The following NRDC variants were observed in gnomAD, a reference collection of about 807,000 sequenced individuals.
The protein encoded by NRDC is nardilysin convertase, also known as nardilysin.
In NRDC, 54 loss-of-function variants were observed where a neutral mutation model predicts 147.1. That is an observed-to-expected ratio of 0.37 (90% CI 0.29 to 0.46). The LOEUF (loss-of-function observed/expected upper bound fraction) is 0.46, where lower values mean the gene tolerates loss of function less well. NRDC is among the 20% of genes least tolerant of loss of function. NRDC has a pLI of 1.00. For synonymous variants in NRDC, 440 were observed against 482.1 expected (o/e 0.91, Z 1.14); for missense variants, 1,082 against 1,370.6 (o/e 0.79, Z 3.33).
intron 1 of NRDC, among the ~76,000 whole-genome samples, chr1:51,874,374 T>C (rs983006930): frequency 9.9e-5 from 15 of 152,112 alleles, no homozygotes; most frequent in East Asian, 7.8e-4. Flanking sequence ...CCCAGCACTA[T>C]GGGAGGCCAA....
intron 15 of NRDC, 21 bp from the exon 16 acceptor site, chr1:51,810,425 G>A: frequency 6.2e-7 from 1 of 1,603,608 alleles, no homozygotes; most frequent in Non-Finnish European, 8.5e-7. Context: ...GGGAAGAGGG[G>A]AAAGAGATAC....
intron 15 of NRDC, 148 bp downstream of exon 15, chr1:51,811,846 A>C (rs548260207): frequency 1.9e-6 from 1 of 513,674 alleles, no homozygotes; most frequent in East Asian, 3.0e-5. Flanking sequence ...TTATTCACAA[A>C]ACTGTTGATA....
chr1:51,800,516 T>G (rs1466678014), intron 21 of NRDC, 40 bp downstream of exon 21: 1 of 1,609,520 alleles, frequency 6.2e-7, no homozygotes, highest in Admixed American at 1.7e-5. Flanking sequence ...AGTAATACTT[T>G]CAGGTCCTCA....
At chr1:51,811,036 T>C (rs114395474) in intron 15 of NRDC, among the ~76,000 whole-genome samples, 1 of 152,308 alleles carries the variant, frequency 6.6e-6, no homozygotes, top group Non-Finnish European at 1.5e-5. Context: ...CAGAATTTTG[T>C]GGCTTGGTTT....
intron 4 of NRDC, among the ~76,000 whole-genome samples, chr1:51,830,604 G>T (rs574477455): frequency 6.6e-6 from 1 of 152,132 alleles, no homozygotes; most frequent in African/African-American, 2.4e-5. Flanking sequence ...TAACTACTCA[G>T]GACGCCTCAT....
chr1:51,874,536 G>T (rs1290231212), intron 1 of NRDC, among the ~76,000 whole-genome samples: 2 of 152,136 alleles, frequency 1.3e-5, no homozygotes, highest in Admixed American at 1.3e-4. Context: ...CTAAGCCTGG[G>T]AGGTCGAGGC....
At chr1:51,833,326 G>T (rs558266646) in intron 4 of NRDC, among the ~76,000 whole-genome samples, 16 of 151,708 alleles carry the variant, frequency 1.1e-4, no homozygotes, top group African/African-American at 3.9e-4. Flanking sequence ...AGCTGGGAGC[G>T]GTGGCACATT....
chr1:51,789,733 C>T (rs1045324123), intron 29 of NRDC, 76 bp from the exon 30 acceptor site: 24 of 1,006,718 alleles, frequency 2.4e-5, no homozygotes, highest in East Asian at 7.2e-5. Flanking sequence ...AGGCAGATGT[C>T]CCTGGACCTG....
At chr1:51,805,797 TAGAG>T (rs1679435541) in intron 18 of NRDC, among the ~76,000 whole-genome samples, 1 of 152,264 alleles carries the variant, frequency 6.6e-6, no homozygotes, top group South Asian at 2.1e-4. Flanking sequence ...GGCAGATACT[TAGAG>T]AGGCCTATAA....
chr1:51,852,596 A>G (rs1373420890), intron 1 of NRDC, among the ~76,000 whole-genome samples: 1 of 2,788 alleles, frequency 3.6e-4, no homozygotes, highest in Non-Finnish European at 1.3e-3. Flanking sequence ...AGTTTTATAT[A>G]TAGTTTTTTA....
chr1:51,789,693 GAAGA>G lies in NRDC; in HGVS notation c.3169-40_3169-37del, dbSNP rs1557892940. 4.1e-6 allele frequency: 6 copies of G among 1,450,548 alleles called. No individual in the cohort carries two copies. The East Asian group carries it at 9.1e-5, about 22-fold the overall frequency. The allele number at this position is 1,450,548 out of a possible 1,614,324, so 89.9% of individuals were successfully genotyped here. The stretch of plus-strand genomic sequence containing the variant: ...AAGGGAAGATAGGAAAGAAATTCAA[GAAGA>G]AAGATAGCTCTTAAACCTAACCCCC... On this transcript the variant is annotated intron_variant, in intron 29 of 30. Transcript: ENST00000352171.
Position 51,878,307 on chromosome 1 carries a change from G to C in NRDC, c.309C>G (p.Ile103Met). The change falls in exon 1 of 31, where the codon ATC becomes ATG. Residue 103 changes from isoleucine to methionine, a missense_variant. Physicochemically the swap from Ile to Met is conservative, Grantham distance 10. Transcript: ENST00000352171. The stretch of plus-strand genomic sequence containing the variant: ...GCTTGGGGTCGCTGGGAGACTTGAC[G>C]ATCTCAGGGTCCCCAGCATTACTGA... ...GSLSNAGDPE[I>M]VKSPSDPKQY... The C allele has an allele frequency of 6.2e-7, 1 of 1,613,716 alleles. No individual in the cohort carries two copies. Among genetic ancestry groups the C allele is most frequent in the Non-Finnish European group, 8.5e-7 (1 of 1,179,764 alleles).
At chr1:51,854,599 G>A (rs890699749) in intron 1 of NRDC, among the ~76,000 whole-genome samples, 1 of 152,138 alleles carries the variant, frequency 6.6e-6, no homozygotes, top group Admixed American at 6.5e-5. Context: ...AAATAAATGT[G>A]CAACTTGATA....
rs1486532021 is a variant in NRDC, at chr1:51,789,251, A to ATGGT, written c.3437_3440dup (p.His1147GlnfsTer3). ...TGCAGTTTATTTATTTGACTATTTT[A>ATGGT]TGGTAGGGGAGAAGGTTGAGTGTTG... On this transcript the variant is annotated frameshift_variant, in exon 31 of 31. Transcript: ENST00000352171. LOFTEE classifies it high-confidence loss of function. 1.2e-6 allele frequency: 2 copies of ATGGT among 1,614,024 alleles called. No homozygotes were observed. Among genetic ancestry groups the ATGGT allele is most frequent in the East Asian group, 2.2e-5 (1 of 44,886 alleles).
At chr1:51,803,760 A>G in intron 20 of NRDC, 54 bp downstream of exon 20, 1 of 1,442,016 alleles carries the variant, frequency 6.9e-7, no homozygotes, top group Non-Finnish European at 9.5e-7. Context: ...AAACCTCTAA[A>G]TAAATATGGT....
At chr1:51,874,604 G>A (rs945861274) in intron 1 of NRDC, among the ~76,000 whole-genome samples, 1 of 152,052 alleles carries the variant, frequency 6.6e-6, no homozygotes, top group Non-Finnish European at 1.5e-5. Context: ...GTGAGACCCT[G>A]CCTCAAAAAT....
chr1:51,792,561 T>A (rs1224304049), intron 24 of NRDC, 137 bp from the exon 25 acceptor site: 1 of 748,270 alleles, frequency 1.3e-6, no homozygotes, highest in Non-Finnish European at 2.3e-6. Flanking sequence ...TACTTTGATG[T>A]TGTTTACATA....
At chr1:51,839,783 G>A (rs768886924) in intron 2 of NRDC, among the ~76,000 whole-genome samples, 7 of 152,026 alleles carry the variant, frequency 4.6e-5, no homozygotes, top group Non-Finnish European at 1.0e-4. Context: ...AGAGCCCTAG[G>A]CCCATGTAAA....
At chr1:51,848,777 G>A (rs1339379469) in intron 1 of NRDC, among the ~76,000 whole-genome samples, 1 of 152,070 alleles carries the variant, frequency 6.6e-6, no homozygotes, top group Non-Finnish European at 1.5e-5. Context: ...TAACTTACAT[G>A]TCTTAACCCA....
Sources: gnomAD v4.1 joint callset for allele counts (sites outside exome capture counted in the v4.1 genomes callset) on GRCh38, gnomAD v4.1.1 for gene constraint, MANE v1.5 for transcripts, NCBI Gene and HGNC (gene_info 2026-07-23, HGNC 2026-07-21) for gene names.